The following METTL15 variants were observed in gnomAD, a reference collection of about 807,000 sequenced individuals.
The protein encoded by METTL15 is 12S rRNA N(4)-cytidine methyltransferase METTL15.
METTL15 carries 34 observed loss-of-function variants against 38.3 expected under a neutral mutation model. The ratio of observed to expected loss-of-function variants is 0.89; its 90% confidence interval spans 0.68 to 1.18. METTL15 has a LOEUF of 1.18. METTL15 is among the 50% of genes most tolerant of loss of function. METTL15 has a pLI of 0.00. For synonymous variants in METTL15, 162 were observed against 170.9 expected (o/e 0.95, Z 0.41); for missense variants, 438 against 498.4 (o/e 0.88, Z 1.15).
intron 4 of METTL15, among the ~76,000 whole-genome samples, chr11:28,262,050 T>G (rs555363353): frequency 2.0e-5 from 3 of 152,160 alleles, no homozygotes; most frequent in African/African-American, 4.8e-5. Context: ...CTTAAACCAC[T>G]GTAATGTCTT....
intron 3 of METTL15, chr11:28,145,541 A>G (rs1218255155): frequency 6.6e-6 from 1 of 152,010 alleles, no homozygotes. Flanking sequence ...GGCCTGTGGA[A>G]CACCTCGTCT....
intron 4 of METTL15, among the ~76,000 whole-genome samples, chr11:28,276,943 C>T (rs1281581753): frequency 1.3e-5 from 2 of 152,154 alleles, no homozygotes; most frequent in African/African-American, 4.8e-5. Context: ...AACGTGAGAG[C>T]GGAAACTATT....
intron 6 of METTL15, among the ~76,000 whole-genome samples, chr11:28,325,886 A>G (rs1849619289): frequency 6.6e-6 from 1 of 152,226 alleles, no homozygotes; most frequent in Non-Finnish European, 1.5e-5. Context: ...ACAAGTAATT[A>G]CAGAAGAGTA....
chr11:28,430,862 A>G (rs1590372155), intron 6 of METTL15, among the ~76,000 whole-genome samples: 1 of 87,686 alleles, frequency 1.1e-5, no homozygotes. Flanking sequence ...GGGGGGGGTC[A>G]GCCCCCCGCC....
intron 5 of METTL15, among the ~76,000 whole-genome samples, chr11:28,365,205 C>T (rs954058821): frequency 2.6e-5 from 4 of 152,058 alleles, no homozygotes; most frequent in Non-Finnish European, 5.9e-5. Flanking sequence ...AATGAGTTAG[C>T]GAGAAACCCT....
intron 4 of METTL15, among the ~76,000 whole-genome samples, chr11:28,221,219 T>G (rs556725979): frequency 6.6e-6 from 1 of 152,328 alleles, no homozygotes; most frequent in South Asian, 2.1e-4. Context: ...AGATTTGGTC[T>G]TTTCACATAG....
At chr11:28,122,715 C>T (rs1280351008) in intron 3 of METTL15, among the ~76,000 whole-genome samples, 1 of 151,180 alleles carries the variant, frequency 6.6e-6, no homozygotes, top group Non-Finnish European at 1.5e-5. Context: ...TGTTTTTCTA[C>T]CACTGAATTA....
chr11:28,279,637 AC>A (rs1367521474), intron 4 of METTL15, among the ~76,000 whole-genome samples: 1 of 152,208 alleles, frequency 6.6e-6, no homozygotes, highest in Non-Finnish European at 1.5e-5. Context: ...GCGGTGGCTC[AC>A]GCCTGTAATC....
downstream of METTL15, among the ~76,000 whole-genome samples, chr11:28,335,448 T>G (rs560023629): frequency 6.6e-6 from 1 of 152,190 alleles, no homozygotes; most frequent in Non-Finnish European, 1.5e-5. Flanking sequence ...CATGTTGCTG[T>G]GAATCAAATA....
chr11:28,236,028 T>G (rs946180776), intron 4 of METTL15, among the ~76,000 whole-genome samples: 12 of 152,092 alleles, frequency 7.9e-5, no homozygotes, highest in African/African-American at 2.9e-4. Flanking sequence ...GGTTGTTGAA[T>G]TTTGTCAAAG....
At chr11:28,375,172 T>TA (rs1218409847) in intron 5 of METTL15, among the ~76,000 whole-genome samples, 16 of 142,826 alleles carry the variant, frequency 1.1e-4, no homozygotes, top group African/African-American at 4.2e-4. Context: ...AGAATGATGC[T>TA]GGCCTCATAA....
intron 6 of METTL15, among the ~76,000 whole-genome samples, chr11:28,426,365 A>G (rs530947547): frequency 7.9e-5 from 12 of 152,122 alleles, no homozygotes; most frequent in South Asian, 4.1e-4. Context: ...GTTTGATTCC[A>G]TATCTTTGCT....
intron 4 of METTL15, among the ~76,000 whole-genome samples, chr11:28,223,543 A>G (rs528602200): frequency 6.6e-6 from 1 of 152,290 alleles, no homozygotes; most frequent in South Asian, 2.1e-4. Context: ...ATTTTAGAGT[A>G]AACACCTTTT....
intron 5 of METTL15, among the ~76,000 whole-genome samples, chr11:28,413,484 G>T (rs1320264407): frequency 6.6e-6 from 1 of 152,122 alleles, no homozygotes; most frequent in African/African-American, 2.4e-5. Flanking sequence ...AATCTGCACA[G>T]TTTTTTCTCC....
intron 5 of METTL15, among the ~76,000 whole-genome samples, chr11:28,420,031 A>G (rs1482791347): frequency 3.3e-5 from 5 of 152,176 alleles, no homozygotes; most frequent in South Asian, 2.1e-4. Flanking sequence ...TCTAGAAAAT[A>G]TAGCCCAAAA....
intron 2 of METTL15, among the ~76,000 whole-genome samples, chr11:28,112,539 C>T (rs186573798): frequency 1.4e-4 from 22 of 152,056 alleles, no homozygotes; most frequent in Middle Eastern, 3.4e-3. Flanking sequence ...TTTTTTTCTT[C>T]TGCATTTTAA....
chr11:28,169,982 G>T (rs769491186), intron 3 of METTL15, among the ~76,000 whole-genome samples: 1 of 152,156 alleles, frequency 6.6e-6, no homozygotes, highest in Non-Finnish European at 1.5e-5. Flanking sequence ...GGGTGGTTGA[G>T]TAAGTATGCT....
intron 6 of METTL15, among the ~76,000 whole-genome samples, chr11:28,476,662 C>A (rs1383737314): frequency 6.6e-6 from 1 of 152,164 alleles, no homozygotes; most frequent in East Asian, 1.9e-4. Context: ...GAAGGGCAAG[C>A]CCTGGAATGC....
At chr11:28,509,486 TAAA>T (rs202077372) in intron 6 of METTL15, among the ~76,000 whole-genome samples, 1 of 140,718 alleles carries the variant, frequency 7.1e-6, no homozygotes. Context: ...ATCCTTTATT[TAAA>T]AAAAAAAAAA....
Sources: gnomAD v4.1 joint callset for allele counts (sites outside exome capture counted in the v4.1 genomes callset) on GRCh38, gnomAD v4.1.1 for gene constraint, MANE v1.5 for transcripts, NCBI Gene and HGNC (gene_info 2026-07-23, HGNC 2026-07-21) for gene names.